The following ANAPC10 variants were observed in gnomAD, a reference collection of about 807,000 sequenced individuals.
ANAPC10 encodes anaphase-promoting complex subunit 10.
In ANAPC10, 12 loss-of-function variants were observed where a neutral mutation model predicts 22.0. That is an observed-to-expected ratio of 0.55 (90% CI 0.35 to 0.88). ANAPC10 has a LOEUF of 0.88. Among genes scored for constraint, ANAPC10 ranks in the 40% least tolerant of loss-of-function variants. The pLI, the probability that ANAPC10 is intolerant of heterozygous loss-of-function variation, is 0.01. For missense variants in ANAPC10, 188 were observed against 220.9 expected (o/e 0.85, Z 0.94); for synonymous variants, 65 against 69.5 (o/e 0.94, Z 0.32).
At chr4:145,044,635 G>C (rs1299148338) in intron 4 of ANAPC10, among the ~76,000 whole-genome samples, 1 of 152,004 alleles carries the variant, frequency 6.6e-6, no homozygotes, top group African/African-American at 2.4e-5. Flanking sequence ...ATACTGACAG[G>C]GTCAATTAGT....
intron 4 of ANAPC10, among the ~76,000 whole-genome samples, chr4:144,996,216 A>T (rs1325750135): frequency 6.6e-6 from 1 of 152,232 alleles, no homozygotes; most frequent in East Asian, 1.9e-4. Flanking sequence ...ACAGGCTTAT[A>T]GGATCTTAGT....
chr4:145,048,609 C>T lies in ANAPC10; in HGVS notation c.327+15963G>A, dbSNP rs894487991. Among the ~76,000 whole-genome samples, 5 of 152,136 alleles carry T rather than the reference C, an allele frequency of 3.3e-5. No individual in the cohort carries two copies. The South Asian group carries it at 1.0e-3, about 32-fold the overall frequency. ...TAGTTGACAGCGCTGACATATTTCTCCCCCAACCACCTCCCTCAATATAGG... is the reference window on the plus strand; with the variant it reads ...TAGTTGACAGCGCTGACATATTTCTTCCCCAACCACCTCCCTCAATATAGG... On this transcript the variant is annotated intron_variant, in intron 4 of 4. Coordinates refer to ENST00000507656, the MANE Select transcript of ANAPC10 (RefSeq NM_001256706.2).
intron 4 of ANAPC10, among the ~76,000 whole-genome samples, chr4:145,010,874 AT>A (rs1734193079): frequency 6.6e-6 from 1 of 152,184 alleles, no homozygotes; most frequent in African/African-American, 2.4e-5. Flanking sequence ...AAGGAGAGGT[AT>A]ATGGGGAAAA....
intron 4 of ANAPC10, among the ~76,000 whole-genome samples, chr4:145,050,236 G>A (rs766603046): frequency 4.9e-4 from 75 of 152,172 alleles, no homozygotes; most frequent in Non-Finnish European, 9.0e-4. Context: ...GCTCTTGGGT[G>A]ACTATGTCCA....
intron 4 of ANAPC10, among the ~76,000 whole-genome samples, chr4:145,043,198 C>G (rs981186381): frequency 4.0e-5 from 6 of 151,540 alleles, no homozygotes; most frequent in African/African-American, 1.5e-4. Context: ...AAAAAAGAGG[C>G]AGGATTCAGT....
At chr4:145,095,285 G>A (rs958033429) in intron 2 of ANAPC10, among the ~76,000 whole-genome samples, 2 of 152,156 alleles carry the variant, frequency 1.3e-5, no homozygotes, top group African/African-American at 4.8e-5. Context: ...CAAACAATTG[G>A]TAAGTTTTAA....
intron 1 of ANAPC10, among the ~76,000 whole-genome samples, chr4:145,096,950 C>G (rs1748625592): frequency 6.6e-6 from 1 of 152,136 alleles, no homozygotes; most frequent in South Asian, 2.1e-4. Context: ...GTGGCTCACA[C>G]CTGTAATCCC....
At chr4:145,029,372 C>A (rs1386525159) in intron 4 of ANAPC10, among the ~76,000 whole-genome samples, 1 of 152,158 alleles carries the variant, frequency 6.6e-6, no homozygotes, top group Non-Finnish European at 1.5e-5. Flanking sequence ...CCCTTGTTTG[C>A]TTCTAGACCT....
intron 4 of ANAPC10, among the ~76,000 whole-genome samples, chr4:145,018,238 T>C (rs368854191): frequency 1.1e-4 from 17 of 151,600 alleles, no homozygotes; most frequent in African/African-American, 2.2e-4. Flanking sequence ...AGGCAACAAA[T>C]AGCATGATGA....
chr4:145,048,592 A>G (rs1452845573), intron 4 of ANAPC10, among the ~76,000 whole-genome samples: 3 of 152,286 alleles, frequency 2.0e-5, no homozygotes, highest in African/African-American at 7.2e-5. Flanking sequence ...GGTAGTTGAC[A>G]GCGCTGACAT....
At chr4:145,034,045 T>C (rs1217499554) in intron 4 of ANAPC10, among the ~76,000 whole-genome samples, 4 of 152,194 alleles carry the variant, frequency 2.6e-5, no homozygotes, top group Non-Finnish European at 5.9e-5. Context: ...AGTTGTATTA[T>C]GTTAGGCATA....
intron 4 of ANAPC10, among the ~76,000 whole-genome samples, chr4:145,014,296 T>C (rs1734780011): frequency 6.6e-6 from 1 of 151,896 alleles, no homozygotes; most frequent in Non-Finnish European, 1.5e-5. Context: ...GGAAGCTGGG[T>C]AAGGCCTGTG....
At chr4:145,054,049 CA>C (rs1294820329) in intron 4 of ANAPC10, among the ~76,000 whole-genome samples, 1 of 151,692 alleles carries the variant, frequency 6.6e-6, no homozygotes, top group Non-Finnish European at 1.5e-5. Context: ...GCTGAGATTA[CA>C]GGCACTCGCC....
At chr4:145,094,913 T>C (rs958263808) in intron 2 of ANAPC10, among the ~76,000 whole-genome samples, 1 of 152,158 alleles carries the variant, frequency 6.6e-6, no homozygotes, top group African/African-American at 2.4e-5. Context: ...CCAAGAATTC[T>C]ATCCCAACAA....
intron 3 of ANAPC10, among the ~76,000 whole-genome samples, chr4:145,065,180 T>C (rs1343249244): frequency 6.6e-6 from 1 of 151,998 alleles, no homozygotes; most frequent in Non-Finnish European, 1.5e-5. Flanking sequence ...CTAGTTTTAA[T>C]GCAAGAAATA....
intron 2 of ANAPC10, among the ~76,000 whole-genome samples, chr4:145,093,467 A>C (rs1442889463): frequency 6.6e-6 from 1 of 152,138 alleles, no homozygotes; most frequent in East Asian, 1.9e-4. Flanking sequence ...AACAAAAAGA[A>C]AAACAGAATT....
At chr4:145,017,476 G>T (rs1735353619) in intron 4 of ANAPC10, among the ~76,000 whole-genome samples, 1 of 152,196 alleles carries the variant, frequency 6.6e-6, no homozygotes, top group Non-Finnish European at 1.5e-5. Flanking sequence ...AACAACAGGT[G>T]CTGGAGAGGA....
chr4:145,071,178 G>C (rs551104115), intron 3 of ANAPC10, among the ~76,000 whole-genome samples: 1 of 152,270 alleles, frequency 6.6e-6, no homozygotes, highest in African/African-American at 2.4e-5. Context: ...AGGCTGAGGA[G>C]GGCAGAGCAC....
At chr4:145,001,133 T>C (rs532818512) in intron 4 of ANAPC10, among the ~76,000 whole-genome samples, 1 of 151,150 alleles carries the variant, frequency 6.6e-6, no homozygotes, top group Non-Finnish European at 1.5e-5. Flanking sequence ...TGTATACCTA[T>C]GTAACAAACC....
Sources: allele counts gnomAD v4.1 joint callset (sites outside exome capture counted in the v4.1 genomes callset), GRCh38; gene constraint gnomAD v4.1.1; transcripts MANE v1.5; gene names NCBI Gene and HGNC (gene_info 2026-07-23, HGNC 2026-07-21).